Variants in SRGAP3 observed in about 807,000 individuals in gnomAD.
The protein encoded by SRGAP3 is SLIT-ROBO Rho GTPase activating protein 3.
Under a neutral mutation model 121.1 loss-of-function variants are expected in SRGAP3, and 39 were observed. The ratio of observed to expected loss-of-function variants is 0.32; its 90% confidence interval spans 0.25 to 0.42. SRGAP3 has a LOEUF of 0.42. Ranked by LOEUF, SRGAP3 falls within the 10% of genes least tolerant of loss-of-function variation. The probability of loss-of-function intolerance (pLI) is 1.00; values close to 1 mark genes in which losing one functional copy is unlikely to be tolerated. For missense variants in SRGAP3, 1,213 were observed against 1,470.6 expected (o/e 0.82, Z 2.86); for synonymous variants, 601 against 570.0 (o/e 1.05, Z -0.77).
intron 1 of SRGAP3, among the ~76,000 whole-genome samples, chr3:9,181,912 C>T (rs556277168): frequency 3.3e-5 from 5 of 152,248 alleles, no homozygotes; most frequent in East Asian, 1.9e-4. Flanking sequence ...CGGTGGCTCA[C>T]GCCTGTAATC....
At chr3:9,175,944 T>C (rs1951163334) in intron 1 of SRGAP3, among the ~76,000 whole-genome samples, 1 of 152,146 alleles carries the variant, frequency 6.6e-6, no homozygotes, top group Non-Finnish European at 1.5e-5. Context: ...TCTTTTGATA[T>C]GGAGCCTCAC....
At chr3:9,171,532 C>G (rs1329454715) in intron 1 of SRGAP3, among the ~76,000 whole-genome samples, 1 of 152,162 alleles carries the variant, frequency 6.6e-6, no homozygotes, top group Admixed American at 6.5e-5. Context: ...GTCTTATTAT[C>G]CCTCGCATGG....
intron 1 of SRGAP3, among the ~76,000 whole-genome samples, chr3:9,216,246 G>A (rs1366818313): frequency 1.3e-5 from 2 of 152,178 alleles, no homozygotes; most frequent in Non-Finnish European, 2.9e-5. Flanking sequence ...CTCAGGCCCT[G>A]CCTCTCACCT....
At chr3:9,068,616 G>A (rs1045535405) in intron 4 of SRGAP3, among the ~76,000 whole-genome samples, 2 of 152,164 alleles carry the variant, frequency 1.3e-5, no homozygotes, top group Non-Finnish European at 1.5e-5. Flanking sequence ...TCTCCAAAAT[G>A]ACTCTATTTG....
intron 17 of SRGAP3, among the ~76,000 whole-genome samples, chr3:9,012,924 G>A (rs1943445498): frequency 6.6e-6 from 1 of 152,120 alleles, no homozygotes; most frequent in Non-Finnish European, 1.5e-5. Flanking sequence ...GACCACCAAG[G>A]AAATGGCTAT....
chr3:9,245,807 C>T (rs544162628), intron 1 of SRGAP3, among the ~76,000 whole-genome samples: 1 of 152,220 alleles, frequency 6.6e-6, no homozygotes, highest in East Asian at 1.9e-4. Context: ...GCCTGTAATG[C>T]CAGCTACTCG....
Position 9,357,046 on chromosome 3 carries a change from T to C in SRGAP3, n.214+5794A>G, listed in dbSNP as rs950404024. ...GCAAGGCCAAGGCAGGCAGATCACTTGAGCTCAGGAGTTCAAGACCAGCCT... is the reference window on the plus strand; with the variant it reads ...GCAAGGCCAAGGCAGGCAGATCACTCGAGCTCAGGAGTTCAAGACCAGCCT... On this transcript the variant is annotated intron_variant and non_coding_transcript_variant, in intron 1 of 3. Coordinates refer to the SRGAP3 transcript ENST00000490889. Among the ~76,000 whole-genome samples, 3 of 152,040 alleles carry C rather than the reference T, an allele frequency of 2.0e-5. No individual in the cohort carries two copies. The East Asian group carries it at 5.8e-4, about 29-fold the overall frequency.
At chr3:9,011,009 T>C (rs1217739426) in intron 17 of SRGAP3, among the ~76,000 whole-genome samples, 1 of 148,516 alleles carries the variant, frequency 6.7e-6, no homozygotes, top group Non-Finnish European at 1.5e-5. Flanking sequence ...TATAAGCTTC[T>C]TGAGGCAAGG....
At chr3:9,243,648 A>AAAG (rs1373213960) in intron 1 of SRGAP3, among the ~76,000 whole-genome samples, 10 of 149,234 alleles carry the variant, frequency 6.7e-5, no homozygotes, top group Non-Finnish European at 1.2e-4. Flanking sequence ...AAAAAAAAAA[A>AAAG]AGAGAGAGAG....
chr3:9,163,437 C>A (rs566775667), intron 1 of SRGAP3, among the ~76,000 whole-genome samples: 1 of 152,208 alleles, frequency 6.6e-6, no homozygotes, highest in African/African-American at 2.4e-5. Flanking sequence ...GACATTTGCT[C>A]GGCTTTTGGT....
chr3:9,133,062 A>G (rs1198047189), intron 1 of SRGAP3, among the ~76,000 whole-genome samples: 1 of 149,270 alleles, frequency 6.7e-6, no homozygotes, highest in Non-Finnish European at 1.5e-5. Flanking sequence ...AGATCTATAT[A>G]TAAGAGAGAA....
intron 1 of SRGAP3, among the ~76,000 whole-genome samples, chr3:9,133,547 T>A (rs1175900326): frequency 1.3e-5 from 2 of 152,198 alleles, no homozygotes; most frequent in Non-Finnish European, 2.9e-5. Flanking sequence ...AACTTCCTCA[T>A]TCCTTTTACA....
At chr3:9,049,613 C>A in intron 9 of SRGAP3, 1 of 410,638 alleles carries the variant, frequency 2.4e-6, no homozygotes, top group Non-Finnish European at 4.9e-6. Flanking sequence ...GGGCAGAGGG[C>A]CAGGGGCTTG....
At chr3:9,110,413 T>A (rs1206582809) in intron 2 of SRGAP3, among the ~76,000 whole-genome samples, 4 of 151,420 alleles carry the variant, frequency 2.6e-5, no homozygotes. Context: ...CAGCAAGGAG[T>A]TGGATGCTAT....
Position 9,032,651 on chromosome 3 carries a change from T to A in SRGAP3, c.1538A>T (p.Lys513Met). The change falls in exon 12 of 22, where the codon AAG (lysine) becomes ATG (methionine). Residue 513 changes from lysine (K) to methionine (M), a missense_variant and splice_region_variant. This residue lies in a region of SRGAP3 where 793 missense variants were observed against 1,032.9 expected (regional missense o/e 0.77). Transcript: ENST00000383836. ...ACTCCACGGCTCCCCAGCAAGTACC[T>A]TAATGAATGCTTCCATACTGCCGTT... ...LFNGSMEAFI[K>M]DSGQAIPLVV... is the part of the protein sequence containing the mutation. 6.2e-7 allele frequency: 1 copy of A among 1,613,566 alleles called. No homozygotes were observed. Among genetic ancestry groups the A allele is most frequent in the Non-Finnish European group, 8.5e-7 (1 of 1,179,680 alleles).
chr3:9,167,624 C>T (rs1950836898), intron 1 of SRGAP3, among the ~76,000 whole-genome samples: 2 of 152,176 alleles, frequency 1.3e-5, no homozygotes, highest in South Asian at 2.1e-4. Flanking sequence ...TTTTGGCCAG[C>T]TCTGTCCTTG....
intron 1 of SRGAP3, among the ~76,000 whole-genome samples, chr3:9,209,359 G>T (rs900994136): frequency 6.6e-6 from 1 of 152,128 alleles, no homozygotes; most frequent in Non-Finnish European, 1.5e-5. Flanking sequence ...CAAAGCCATA[G>T]GAAAAGATCA....
chr3:9,284,461 G>C (rs1447038327), intron 3 of SRGAP3, among the ~76,000 whole-genome samples: 1 of 152,238 alleles, frequency 6.6e-6, no homozygotes, highest in African/African-American at 2.4e-5. Flanking sequence ...AGAAGCTTTA[G>C]CTACCATTGC....
chr3:9,169,800 AGAAG>A (rs1403762896), intron 1 of SRGAP3, among the ~76,000 whole-genome samples: 1 of 152,196 alleles, frequency 6.6e-6, no homozygotes, highest in East Asian at 1.9e-4. Flanking sequence ...CCTCTGGTAC[AGAAG>A]GAAGGGGATC....
Sources: allele counts gnomAD v4.1 joint callset (sites outside exome capture counted in the v4.1 genomes callset), GRCh38; gene constraint gnomAD v4.1.1; regional missense constraint gnomAD v4.1.1; transcripts MANE v1.5; gene names NCBI Gene and HGNC (gene_info 2026-07-23, HGNC 2026-07-21).